Variants in WDPCP observed in about 807,000 individuals in gnomAD.
WDPCP encodes the protein WD repeat-containing and planar cell polarity effector protein fritz homolog.
A neutral mutation model predicts 93.1 loss-of-function variants in WDPCP; 71 were observed. That is an observed-to-expected ratio of 0.76 (90% CI 0.63 to 0.93). WDPCP has a LOEUF of 0.93. Among genes scored for constraint, WDPCP ranks in the 40% least tolerant of loss-of-function variants. WDPCP has a pLI of 0.00. For synonymous variants in WDPCP, 315 were observed against 315.0 expected (o/e 1.00, Z 0.00); for missense variants, 844 against 887.4 (o/e 0.95, Z 0.62).
chr2:63,295,795 A>AC (rs59645128), intron 13 of WDPCP, among the ~76,000 whole-genome samples: 8 of 146,900 alleles, frequency 5.4e-5, no homozygotes, highest in African/African-American at 1.3e-4. Flanking sequence ...AACAACAACA[A>AC]AAAAGCCCAG....
chr2:63,129,510 C>A (rs550868627), intron 17 of WDPCP, among the ~76,000 whole-genome samples: 8 of 152,306 alleles, frequency 5.3e-5, no homozygotes, highest in African/African-American at 1.9e-4. Context: ...AAATAATAGC[C>A]ATTCCAATGT....
intron 2 of WDPCP, among the ~76,000 whole-genome samples, chr2:63,805,079 G>A (rs554018185): frequency 6.6e-6 from 1 of 152,258 alleles, no homozygotes; most frequent in East Asian, 1.9e-4. Flanking sequence ...TGTCTCTGGC[G>A]GAAGATAGGA....
At chr2:63,553,671 T>C (rs1181450904) in intron 1 of WDPCP, among the ~76,000 whole-genome samples, 3 of 152,186 alleles carry the variant, frequency 2.0e-5, no homozygotes, top group African/African-American at 7.2e-5. Flanking sequence ...AGTAGAGCAT[T>C]CAATGTGAAT....
intron 14 of WDPCP, among the ~76,000 whole-genome samples, chr2:63,183,932 G>A (rs1674436346): frequency 6.6e-6 from 1 of 151,832 alleles, no homozygotes; most frequent in South Asian, 2.1e-4. Flanking sequence ...TCTGATATAA[G>A]CGTAGATACT....
Position 63,213,049 on chromosome 2 carries a change from C to T in WDPCP, c.1916-38217G>A, listed in dbSNP as rs186018464. 1.2e-4 allele frequency among the ~76,000 whole-genome samples: 19 copies of T among 152,250 alleles called. 1 individual carries two copies. The East Asian group carries it at 3.5e-3, about 28-fold the overall frequency. ...GGAGACTCAGACACCCCACTGTCAA[C>T]ATTAGACAGATCCATGAGACAGAAA... On this transcript the variant is annotated intron_variant, in intron 14 of 17. Transcript: ENST00000272321.
intron 1 of WDPCP, among the ~76,000 whole-genome samples, chr2:63,547,588 G>GAC: frequency 7.4e-6 from 1 of 134,540 alleles, no homozygotes; most frequent in East Asian, 2.2e-4. Context: ...TACACACACA[G>GAC]ACACACACAC....
At chr2:63,540,008 G>T (rs1486032081) in intron 1 of WDPCP, among the ~76,000 whole-genome samples, 1 of 152,134 alleles carries the variant, frequency 6.6e-6, no homozygotes, top group East Asian at 1.9e-4. Context: ...GCTATGCAAT[G>T]AATAGTCTCT....
chr2:63,264,734 A>G (rs942835345), intron 13 of WDPCP, among the ~76,000 whole-genome samples: 6 of 152,202 alleles, frequency 3.9e-5, no homozygotes, highest in African/African-American at 1.4e-4. Context: ...GACCTAACAG[A>G]TATTTTACAG....
intron 14 of WDPCP, among the ~76,000 whole-genome samples, chr2:63,241,480 T>A (rs1211010924): frequency 5.9e-5 from 9 of 152,210 alleles, no homozygotes; most frequent in Non-Finnish European, 1.3e-4. Context: ...AGCTTCAGTT[T>A]AGAAGAATTT....
At chr2:63,743,243 G>GGTGAT (rs1669750893) in intron 2 of WDPCP, among the ~76,000 whole-genome samples, 1 of 152,048 alleles carries the variant, frequency 6.6e-6, no homozygotes, top group African/African-American at 2.4e-5. Context: ...GGTGGTATGT[G>GGTGAT]CAGCCTGCTA....
Position 63,178,671 on chromosome 2 carries a change from AT to A in WDPCP, c.1916-3840del, listed in dbSNP as rs1017053283. Among the ~76,000 whole-genome samples, 40 of 148,786 alleles carry A rather than the reference AT, an allele frequency of 2.7e-4. 1 individual carries two copies. The highest frequency in any genetic ancestry group is 4.5e-4 in the Non-Finnish European group (30 of 66,840). On this transcript the variant is annotated intron_variant, in intron 14 of 17. Coordinates refer to ENST00000272321, the MANE Select transcript of WDPCP (RefSeq NM_015910.7). ...AAAAACCACCTCTTAAGTTTTGTTG[AT>A]TTTTTTCTATTGCTTTTGTATTCTG...
chr2:63,179,230 A>T (rs1383288121), intron 14 of WDPCP, among the ~76,000 whole-genome samples: 4 of 150,038 alleles, frequency 2.7e-5, no homozygotes, highest in African/African-American at 9.8e-5. Context: ...AATATCAGAG[A>T]CTGGGTAATT....
In WDPCP at chr2:63,313,886, A is replaced by ATT. The variant is rs61487991; in HGVS notation, c.1749-577_1749-576dup. ...TATATATATATATATATATATATAT[A>ATT]TTTTTTTTTTTTTGGAGATGGAGTC... On this transcript the variant is annotated intron_variant, in intron 12 of 17. Coordinates refer to ENST00000272321, the MANE Select transcript of WDPCP (RefSeq NM_015910.7). 7.3e-3 allele frequency among the ~76,000 whole-genome samples: 542 copies of ATT among 74,448 alleles called. 60 individuals carry two copies. Among genetic ancestry groups the ATT allele is most frequent in the Non-Finnish European group, 0.011 (437 of 38,596 alleles). The allele number at this position is 74,448 out of a possible 152,430, so 48.8% of individuals were successfully genotyped here. A position where few individuals can be genotyped will look rare whatever the true frequency, so the allele number is the denominator to read the frequency against.
chr2:63,142,589 G>C (rs371385689), intron 17 of WDPCP, among the ~76,000 whole-genome samples: 1 of 152,104 alleles, frequency 6.6e-6, no homozygotes, highest in Non-Finnish European at 1.5e-5. Flanking sequence ...TCCATGCACT[G>C]TGTGTTCTGT....
In WDPCP at chr2:63,437,556, T is replaced by TA. The variant is rs1697218786; in HGVS notation, c.500-3dup. ...TGATAAAACTGTCTGTGAGAAGAGC[T>TA]AAAAAACATAATTAGATATTACCAA... On this transcript the variant is annotated splice_polypyrimidine_tract_variant and splice_region_variant and intron_variant, in intron 7 of 17. Transcript: ENST00000272321. The TA allele has an allele frequency of 6.3e-7, 1 of 1,580,850 alleles. No individual in the cohort carries two copies. The highest frequency in any genetic ancestry group is 8.6e-7 in the Non-Finnish European group (1 of 1,162,842).
chr2:63,309,369 T>C (rs1326206230), intron 13 of WDPCP, among the ~76,000 whole-genome samples: 2 of 152,110 alleles, frequency 1.3e-5, no homozygotes, highest in African/African-American at 4.8e-5. Flanking sequence ...AAGCAAAAAC[T>C]GACAGGAGGG....
chr2:63,618,729 T>G (rs890975490), intron 3 of WDPCP, among the ~76,000 whole-genome samples: 22 of 151,760 alleles, frequency 1.4e-4, no homozygotes, highest in African/African-American at 5.1e-4. Flanking sequence ...TCGCTCTTGT[T>G]GCCCAGGCTG....
At chr2:63,717,294 G>A in intron 2 of WDPCP, 1 of 542,020 alleles carries the variant, frequency 1.8e-6, no homozygotes. Context: ...AACATGGCAA[G>A]ATGGTGGCAG....
intron 2 of WDPCP, among the ~76,000 whole-genome samples, chr2:63,696,531 T>A: frequency 6.6e-6 from 1 of 152,172 alleles, no homozygotes; most frequent in East Asian, 1.9e-4. Flanking sequence ...ACCACAGGAA[T>A]AGAGCTCCAA....
Sources: allele counts gnomAD v4.1 joint callset (sites outside exome capture counted in the v4.1 genomes callset), GRCh38; gene constraint gnomAD v4.1.1; transcripts MANE v1.5; gene names NCBI Gene and HGNC (gene_info 2026-07-23, HGNC 2026-07-21).